The following ZNF429 variants were observed in gnomAD, a reference collection of about 807,000 sequenced individuals.
The protein encoded by ZNF429 is zinc finger protein 429.
A neutral mutation model predicts 56.8 loss-of-function variants in ZNF429; 53 were observed. The ratio of observed to expected loss-of-function variants is 0.93; its 90% CI spans 0.75 to 1.17. The LOEUF (loss-of-function observed/expected upper bound fraction) is 1.17, where lower values mean the gene tolerates loss of function less well. ZNF429 is among the 50% of genes most tolerant of loss of function. ZNF429 has a pLI of 0.00. For missense variants in ZNF429, 849 were observed against 788.4 expected, an observed-to-expected ratio of 1.08 and a Z score of -0.92; for synonymous variants, 278 against 264.7, an observed-to-expected ratio of 1.05 and a Z score of -0.49.
At chr19:21,505,878 T>A in intron 1 of ZNF429, 104 bp downstream of exon 1, 7 of 1,303,830 alleles carry the variant, frequency 5.4e-6, no homozygotes, top group Non-Finnish European at 7.6e-6. Context: ...AGCTCCACAA[T>A]CTGCGCCCGG....
At chr19:21,513,182 T>C (rs2032582888) in intron 1 of ZNF429, among the ~76,000 whole-genome samples, 1 of 152,142 alleles carries the variant, frequency 6.6e-6, no homozygotes, top group Non-Finnish European at 1.5e-5. Context: ...TTAGTCTTAA[T>C]GGTAATGGGG....
rs1045728616 is a variant in ZNF429, at chr19:21,538,496, A to C, written c.*418A>C. 1.3e-5 allele frequency: 2 copies of C among 153,468 alleles called. No individual in the cohort carries two copies. 9.5% of individuals were successfully genotyped at this position (153,468 alleles called of 1,614,324 possible). The stretch of plus-strand genomic sequence containing the variant: ...ATGCCTGTAGTCCTAGCTACTTGGG[A>C]GGCTGAGGCAGGAGAATTGCTTGAA... On this transcript the variant is annotated 3_prime_UTR_variant, in exon 4 of 4. Coordinates refer to ENST00000358491, the MANE Select transcript of ZNF429 (RefSeq NM_001001415.4).
intron 1 of ZNF429, among the ~76,000 whole-genome samples, chr19:21,506,518 AAGC>A (rs1230173246): frequency 6.6e-6 from 1 of 151,716 alleles, no homozygotes; most frequent in Admixed American, 6.6e-5. Flanking sequence ...TAAAATTGTA[AAGC>A]ACCCAGCTGT....
rs75431613 is a variant in ZNF429, at chr19:21,519,796, A to T, written c.4-9862A>T. On this transcript the variant is annotated intron_variant, in intron 1 of 3. Transcript: ENST00000358491. ...TGTCTGCGGAGTGTTGTAGTCTCCT[A>T]TTATTGTGTCAGAATCTACATCTCT... Among the ~76,000 whole-genome samples the T allele has an allele frequency of 2.4e-3, 360 of 151,822 alleles. 10 individuals carry two copies. In the East Asian group the frequency reaches 0.063, roughly 26 times the overall value.
chr19:21,511,749 G>A lies in ZNF429; in HGVS notation c.3+5975G>A, dbSNP rs887527630. Reference sequence around the variant, plus strand: ...GCGGCTGGAAGGTGGAGGTTGTAGCGAGCCGAGATCACGCCACTGCACTCC... The same window carrying A: ...GCGGCTGGAAGGTGGAGGTTGTAGCAAGCCGAGATCACGCCACTGCACTCC... On this transcript the variant is annotated intron_variant, in intron 1 of 3. Coordinates refer to ENST00000358491, the MANE Select transcript of ZNF429 (RefSeq NM_001001415.4). Among the ~76,000 whole-genome samples the A allele has an allele frequency of 1.8e-4, 28 of 151,918 alleles. 1 individual carries two copies. Among genetic ancestry groups the A allele is most frequent in the South Asian group, 2.1e-4 (1 of 4,820 alleles).
chr19:21,515,985 A>G (rs2032718940), intron 1 of ZNF429, among the ~76,000 whole-genome samples: 1 of 151,156 alleles, frequency 6.6e-6, no homozygotes, highest in Admixed American at 6.6e-5. Flanking sequence ...GGTTTCTATC[A>G]CCCTGCAATA....
intron 1 of ZNF429, among the ~76,000 whole-genome samples, chr19:21,515,158 C>T (rs1471032135): frequency 1.3e-5 from 2 of 151,242 alleles, no homozygotes; most frequent in African/African-American, 4.9e-5. Context: ...CCAGACTGGT[C>T]TCGAACTCCT....
At chr19:21,532,017 A>G in intron 3 of ZNF429, among the ~76,000 whole-genome samples, 1 of 152,218 alleles carries the variant, frequency 6.6e-6, no homozygotes, top group East Asian at 1.9e-4. Flanking sequence ...GAAGAGAGGA[A>G]GAAAACAATC....
chr19:21,507,860 T>C (rs2032255028), intron 1 of ZNF429, among the ~76,000 whole-genome samples: 1 of 152,196 alleles, frequency 6.6e-6, no homozygotes, highest in South Asian at 2.1e-4. Context: ...CCGACTTTCC[T>C]TTCTTTGGGC....
intron 1 of ZNF429, among the ~76,000 whole-genome samples, chr19:21,524,192 C>A (rs2033082055): frequency 3.9e-5 from 6 of 152,140 alleles, no homozygotes; most frequent in Admixed American, 3.3e-4. Context: ...GAGATCAAGG[C>A]CACAAAGTAT....
In ZNF429 at chr19:21,538,940, G is replaced by C. The variant is rs901726685; in HGVS notation, c.*862G>C. On this transcript the variant is annotated 3_prime_UTR_variant, in exon 4 of 4. Transcript: ENST00000358491. ...TTATAGTGCATTTACTTGTATCACA[G>C]ATCTTGTTGTACACATTTTATACTA... Among the ~76,000 whole-genome samples, 3 of 152,266 alleles carry C rather than the reference G, an allele frequency of 2.0e-5. No homozygotes were observed. Among genetic ancestry groups the C allele is most frequent in the Admixed American group, 6.5e-5 (1 of 15,300 alleles).
intron 1 of ZNF429, among the ~76,000 whole-genome samples, chr19:21,511,493 G>T (rs1200752481): frequency 6.6e-6 from 1 of 151,988 alleles, no homozygotes; most frequent in Admixed American, 6.6e-5. Flanking sequence ...GCCAGGCAGA[G>T]ATGCTCCTCA....
intron 3 of ZNF429, among the ~76,000 whole-genome samples, chr19:21,531,126 AAAACC>A: frequency 1.9e-5 from 2 of 106,100 alleles, no homozygotes; most frequent in Admixed American, 9.4e-5. Flanking sequence ...AAAAAAAAAA[AAAACC>A]AAAAAAAAAA....
At position 21,538,269 on chromosome 19, in the gene ZNF429, C is replaced by G. The variant is rs1364845567; in HGVS notation, c.*191C>G. Among the ~76,000 whole-genome samples the G allele has an allele frequency of 2.0e-5, 2 of 101,408 alleles. No individual in the cohort carries two copies. Among genetic ancestry groups the G allele is most frequent in the South Asian group, 3.9e-4 (1 of 2,548 alleles). The allele number at this position is 101,408 out of a possible 152,430, so 66.5% of individuals were successfully genotyped here. On this transcript the variant is annotated 3_prime_UTR_variant, in exon 4 of 4. Transcript: ENST00000358491. ...CTCCAGCCTGGGTGACAGAGCCAGA[C>G]TCCATCTCAAAAAAAAAAAAAAAAA...
chr19:21,509,484 C>T (rs1324301172), intron 1 of ZNF429, among the ~76,000 whole-genome samples: 2 of 152,116 alleles, frequency 1.3e-5, no homozygotes, highest in Non-Finnish European at 2.9e-5. Context: ...AACTCTGACA[C>T]GGAAATTAAA....
Position 21,537,889 on chromosome 19 carries a change from G to A in ZNF429, c.1836G>A (p.Lys612=), listed in dbSNP as rs1568435767. ...FNRSSRLTQH[K]KIHTREKPYK... ...GGTCCTCAAGACTTACTCAACATAA[G>A]AAAATTCATACTAGAGAGAAACCTT... Residue 612 remains lysine, a synonymous_variant, in exon 4 of 4, where the codon AAG becomes AAA. Transcript: ENST00000358491. The A allele has an allele frequency of 1.3e-5, 21 of 1,613,834 alleles. No homozygotes were observed. Among genetic ancestry groups the A allele is most frequent in the Non-Finnish European group, 1.8e-5 (21 of 1,179,978 alleles).
chr19:21,512,337 G>T (rs1429364411), intron 1 of ZNF429, among the ~76,000 whole-genome samples: 1 of 151,970 alleles, frequency 6.6e-6, no homozygotes, highest in African/African-American at 2.4e-5. Flanking sequence ...AGGTCTTTAT[G>T]ACCTGTATCT....
intron 1 of ZNF429, among the ~76,000 whole-genome samples, chr19:21,522,243 C>A (rs11085455): frequency 6.6e-6 from 1 of 152,108 alleles, no homozygotes; most frequent in Non-Finnish European, 1.5e-5. Context: ...TTGTCATTGA[C>A]TATAACCCAC....
At chr19:21,535,417 TTTCTTTCTTTCTTTC>T in intron 3 of ZNF429, among the ~76,000 whole-genome samples, 11,440 of 53,118 alleles carry the variant, frequency 0.22, 2,821 homozygotes, top group Non-Finnish European at 0.23. Context: ...TTTTCTTTTC[TTTCTTTCTTTCTTTC>T]TTTCTTTCTT....
Sources: gnomAD v4.1 joint callset for allele counts (sites outside exome capture counted in the v4.1 genomes callset) on GRCh38, gnomAD v4.1.1 for gene constraint, MANE v1.5 for transcripts, NCBI Gene and HGNC (gene_info 2026-07-23, HGNC 2026-07-21) for gene names.